KANSL3: variants seen among roughly 807,000 people sequenced by gnomAD.
KANSL3 encodes NSL complex protein NSL3.
A neutral mutation model predicts 89.2 loss-of-function variants in KANSL3; 16 were observed. The observed-to-expected ratio is 0.18, with a 90% confidence interval of 0.12 to 0.27. The LOEUF (loss-of-function observed/expected upper bound fraction) is 0.27. KANSL3 is among the 10% of genes least tolerant of loss of function. The pLI, the probability that KANSL3 is intolerant of heterozygous loss-of-function variation, is 1.00. For missense variants in KANSL3, 879 were observed against 1,110.6 expected (o/e 0.79, Z 2.96); for synonymous variants, 385 against 419.7 (o/e 0.92, Z 1.01).
chr2:96,580,656 A>G, the KANSL3 span, among the ~76,000 whole-genome samples: 4 of 152,208 alleles, frequency 2.6e-5, no homozygotes, highest in South Asian at 6.2e-4. Flanking sequence ...AAAATTCATT[A>G]TACTGTATAG....
At chr2:96,636,886 G>A in intron 2 of KANSL3, 35 bp downstream of exon 2, 1 of 1,455,170 alleles carries the variant, frequency 6.9e-7, no homozygotes, top group South Asian at 1.4e-5. Flanking sequence ...ACTGCCCAGT[G>A]AGGTTACCAG....
intron 20 of KANSL3, chr2:96,598,028 T>TTGAC (rs1366719555): frequency 1.9e-5 from 16 of 862,628 alleles, no homozygotes; most frequent in Non-Finnish European, 2.2e-5. Context: ...ACCTCTACTC[T>TTGAC]CTTCTCAATG....
At chr2:96,607,523 C>G (rs2068182630) in intron 14 of KANSL3, among the ~76,000 whole-genome samples, 1 of 152,218 alleles carries the variant, frequency 6.6e-6, no homozygotes, top group South Asian at 2.1e-4. Context: ...TGTAAAGACA[C>G]ACTGTCCACA....
chr2:96,628,039 G>A, intron 3 of KANSL3: 1 of 1,290,388 alleles, frequency 7.7e-7, no homozygotes, highest in Non-Finnish European at 1.0e-6. Context: ...TCAATCTGTG[G>A]CAATGTGGCA....
At chr2:96,609,927 G>A (rs2068614304) in intron 11 of KANSL3, among the ~76,000 whole-genome samples, 1 of 129,590 alleles carries the variant, frequency 7.7e-6, no homozygotes, top group Non-Finnish European at 1.5e-5. Context: ...GTCCAGCATA[G>A]GCGACAGAGC....
At position 96,608,420 on chromosome 2, in the gene KANSL3, A is replaced by G. The variant is rs1174197307; in HGVS notation, c.1741+88T>C. Reference sequence around the variant, plus strand: ...GCGCCTCTCACATCCCCCTGAAAAAAGCCATAGATATCAATACTGTGCAAC... The same window carrying G: ...GCGCCTCTCACATCCCCCTGAAAAAGGCCATAGATATCAATACTGTGCAAC... On this transcript the variant is annotated intron_variant, in intron 14 of 20. Transcript: ENST00000431828. The G allele has an allele frequency of 9.8e-6, 13 of 1,333,008 alleles. No homozygotes were observed. The East Asian group carries it at 2.8e-4, about 29-fold the overall frequency. 82.6% of individuals were successfully genotyped at this position (1,333,008 alleles called of 1,614,324 possible).
intron 20 of KANSL3, 185 bp downstream of exon 20, chr2:96,601,458 G>A (rs2067172637): frequency 7.3e-7 from 1 of 1,371,950 alleles, no homozygotes; most frequent in African/African-American, 1.5e-5. Context: ...ATGTAGAAGA[G>A]GAAGCTCAAA....
chr2:96,600,150 G>A (rs929277008), intron 20 of KANSL3, among the ~76,000 whole-genome samples: 3 of 152,070 alleles, frequency 2.0e-5, no homozygotes, highest in African/African-American at 7.2e-5. Flanking sequence ...ACAGGGAAAC[G>A]TGTCACGACA....
intron 3 of KANSL3, among the ~76,000 whole-genome samples, chr2:96,624,388 T>C (rs773749175): frequency 2.6e-5 from 4 of 152,188 alleles, no homozygotes; most frequent in African/African-American, 7.2e-5. Flanking sequence ...ACCTCTTTGT[T>C]TTCAAAGGCT....
chr2:96,611,517 TTCTC>T (rs1004994526), intron 9 of KANSL3, among the ~76,000 whole-genome samples: 1 of 151,968 alleles, frequency 6.6e-6, no homozygotes, highest in Admixed American at 6.6e-5. Context: ...TGAAAAAAAA[TTCTC>T]TCTATTGAAC....
the KANSL3 span, among the ~76,000 whole-genome samples, chr2:96,582,005 G>C: frequency 2.6e-5 from 4 of 152,110 alleles, no homozygotes; most frequent in South Asian, 8.3e-4. Flanking sequence ...AAAATTATTT[G>C]TACATTAGAT....
chr2:96,609,685 C>T, intron 11 of KANSL3, 123 bp from the exon 12 acceptor site: 1 of 908,496 alleles, frequency 1.1e-6, no homozygotes, highest in African/African-American at 1.6e-5. Flanking sequence ...CCATGTTAGC[C>T]TTAGGCAGGT....
intron 3 of KANSL3, among the ~76,000 whole-genome samples, chr2:96,624,696 A>G (rs1436719938): frequency 3.3e-5 from 5 of 151,772 alleles, no homozygotes; most frequent in Non-Finnish European, 7.4e-5. Flanking sequence ...TAATTTTTAT[A>G]TTTTTAGTAG....
intron 20 of KANSL3, chr2:96,599,633 GA>G (rs1027499994): frequency 3.6e-4 from 92 of 254,628 alleles, no homozygotes; most frequent in Middle Eastern, 2.0e-3. Context: ...TCAATAGAAA[GA>G]AAAAAAAATA....
At chr2:96,610,965 CAT>C in intron 10 of KANSL3, 82 bp from the exon 11 acceptor site, 1 of 1,578,444 alleles carries the variant, frequency 6.3e-7, no homozygotes, top group Non-Finnish European at 8.7e-7. Context: ...GAGGATCAGC[CAT>C]GCAACTGCAG....
intron 1 of KANSL3, 29 bp from the exon 2 acceptor site, chr2:96,637,214 A>G (rs1003590236): frequency 9.7e-6 from 8 of 823,234 alleles, no homozygotes; most frequent in Admixed American, 7.9e-5. Flanking sequence ...GTTTAGGTCA[A>G]TTCCAATATC....
chr2:96,614,735 C>T (rs569068279), intron 5 of KANSL3, among the ~76,000 whole-genome samples: 1 of 147,496 alleles, frequency 6.8e-6, no homozygotes, highest in Non-Finnish European at 1.5e-5. Context: ...CATGACACTG[C>T]ACTCCAGCCT....
chr2:96,596,069 A>G (rs1031356787), intron 20 of KANSL3, among the ~76,000 whole-genome samples: 1 of 152,250 alleles, frequency 6.6e-6, no homozygotes, highest in Non-Finnish European at 1.5e-5. Context: ...AGGGCAACAG[A>G]ACAGAAGGGA....
At chr2:96,585,389 A>G in the KANSL3 span, among the ~76,000 whole-genome samples, 9 of 152,304 alleles carry the variant, frequency 5.9e-5, no homozygotes, top group Middle Eastern at 6.8e-3. Context: ...CAACACCACT[A>G]ATTATCAGGG....
Sources: gnomAD v4.1 joint callset for allele counts (sites outside exome capture counted in the v4.1 genomes callset) on GRCh38, gnomAD v4.1.1 for gene constraint, MANE v1.5 for transcripts, NCBI Gene and HGNC (gene_info 2026-07-23, HGNC 2026-07-21) for gene names.